MTUS2: variants seen among roughly 807,000 people sequenced by gnomAD.
The protein encoded by MTUS2 is microtubule associated scaffold protein 2, also known as microtubule-associated tumor suppressor candidate 2.
Under a neutral mutation model 114.1 loss-of-function variants are expected in MTUS2, and 40 were observed. That is an observed-to-expected ratio of 0.35 (90% CI 0.27 to 0.46). MTUS2 has a LOEUF of 0.46. Ranked by LOEUF, MTUS2 falls within the 20% of genes least tolerant of loss-of-function variation. The pLI is 1.00. For missense variants in MTUS2, 1,679 were observed against 1,705.4 expected (o/e 0.98, Z 0.27); for synonymous variants, 688 against 672.0 (o/e 1.02, Z -0.37).
intron 9 of MTUS2, among the ~76,000 whole-genome samples, chr13:29,479,453 C>A (rs1356960632): frequency 1.3e-5 from 2 of 152,204 alleles, no homozygotes; most frequent in African/African-American, 4.8e-5. Context: ...TGGCCGCTGT[C>A]ATTGCCTCAT....
chr13:29,188,615 C>T (rs935668936), intron 5 of MTUS2, among the ~76,000 whole-genome samples: 1 of 152,206 alleles, frequency 6.6e-6, no homozygotes, highest in African/African-American at 2.4e-5. Flanking sequence ...AGGTAAGCCC[C>T]AGGCCTAAAA....
chr13:29,442,760 C>T (rs146925011), intron 9 of MTUS2, among the ~76,000 whole-genome samples: 1 of 152,344 alleles, frequency 6.6e-6, no homozygotes, highest in African/African-American at 2.4e-5. Context: ...GGCTTGAGGA[C>T]ACTTCCCTGC....
chr13:29,364,451 T>C (rs1650434194), intron 8 of MTUS2, among the ~76,000 whole-genome samples: 1 of 152,188 alleles, frequency 6.6e-6, no homozygotes, highest in Admixed American at 6.5e-5. Context: ...TTTTTAAAAG[T>C]GCAGTGATTG....
At chr13:29,467,012 T>C (rs1039929565) in intron 9 of MTUS2, among the ~76,000 whole-genome samples, 5 of 151,914 alleles carry the variant, frequency 3.3e-5, no homozygotes, top group Non-Finnish European at 5.9e-5. Context: ...TGCATTTAGA[T>C]TTATTATCTA....
intron 2 of MTUS2, among the ~76,000 whole-genome samples, chr13:28,982,461 T>G (rs1433377830): frequency 6.6e-6 from 1 of 152,174 alleles, no homozygotes; most frequent in Non-Finnish European, 1.5e-5. Context: ...AACAGTATGG[T>G]GGTTCCTCAA....
At chr13:29,006,717 G>A (rs1389817159) in intron 2 of MTUS2, among the ~76,000 whole-genome samples, 1 of 152,184 alleles carries the variant, frequency 6.6e-6, no homozygotes, top group African/African-American at 2.4e-5. Flanking sequence ...TATGACAGGA[G>A]GGCTGTGTCT....
chr13:29,196,136 G>A (rs534451040), intron 5 of MTUS2, among the ~76,000 whole-genome samples: 47 of 149,244 alleles, frequency 3.1e-4, no homozygotes, highest in African/African-American at 1.0e-3. Flanking sequence ...TCGCTCTGTC[G>A]CCGAGGTGGG....
intron 2 of MTUS2, among the ~76,000 whole-genome samples, chr13:28,880,013 G>A (rs1878193145): frequency 6.6e-6 from 1 of 152,044 alleles, no homozygotes; most frequent in African/African-American, 2.4e-5. Flanking sequence ...ATTGAGAGAA[G>A]ACAAGAGATT....
chr13:28,969,565 C>T (rs771901428), intron 2 of MTUS2, among the ~76,000 whole-genome samples: 10 of 151,916 alleles, frequency 6.6e-5, no homozygotes, highest in South Asian at 2.1e-4. Context: ...TGCAGTGGCG[C>T]GATCTTGACT....
chr13:29,428,598 T>TGGGCCCCCCCC, intron 8 of MTUS2: 1 of 155,460 alleles, frequency 6.4e-6, no homozygotes, highest in Non-Finnish European at 1.4e-5. Flanking sequence ...CCTTCCTGGC[T>TGGGCCCCCCCC]CCCGCCCGCC....
intron 2 of MTUS2, among the ~76,000 whole-genome samples, chr13:28,981,655 G>T (rs571658053): frequency 6.6e-6 from 1 of 152,210 alleles, no homozygotes; most frequent in Non-Finnish European, 1.5e-5. Context: ...TGCCTGGTCT[G>T]GCTTCTCTTC....
intron 2 of MTUS2, among the ~76,000 whole-genome samples, chr13:28,948,408 A>G (rs1265231356): frequency 6.6e-6 from 1 of 152,164 alleles, no homozygotes; most frequent in Non-Finnish European, 1.5e-5. Context: ...AAGGAGCTTT[A>G]TAATCCTTTA....
At chr13:29,219,081 C>T (rs1446673894) in intron 5 of MTUS2, among the ~76,000 whole-genome samples, 1 of 148,294 alleles carries the variant, frequency 6.7e-6, no homozygotes. Context: ...GCTAACTCGT[C>T]ATCTAGCATT....
rs564609921 is a variant in MTUS2, at chr13:29,245,947, T to G, written c.2645-35757T>G. On this transcript the variant is annotated intron_variant, in intron 5 of 15. Transcript: ENST00000612955. ...CTCCTGAGCTCGTGATCTGCCCGCC[T>G]AGGCCTCCCAAAGTGCTGGGATTAC... Among the ~76,000 whole-genome samples the G allele has an allele frequency of 2.6e-5, 4 of 152,312 alleles. No individual in the cohort carries two copies. The East Asian group carries it at 7.7e-4, about 29-fold the overall frequency.
chr13:29,049,523 G>T (rs1199852875), intron 4 of MTUS2, among the ~76,000 whole-genome samples: 1 of 152,224 alleles, frequency 6.6e-6, no homozygotes, highest in Non-Finnish European at 1.5e-5. Flanking sequence ...GTCGAGGACT[G>T]TTCTCCTCTC....
At chr13:29,016,621 T>C (rs1273363660) in intron 2 of MTUS2, among the ~76,000 whole-genome samples, 1 of 152,184 alleles carries the variant, frequency 6.6e-6, no homozygotes, top group East Asian at 1.9e-4. Context: ...TTCTTTACTC[T>C]TTCTACCCTA....
At chr13:29,061,335 A>T (rs758297005) in intron 4 of MTUS2, among the ~76,000 whole-genome samples, 3 of 152,152 alleles carry the variant, frequency 2.0e-5, no homozygotes, top group Non-Finnish European at 4.4e-5. Flanking sequence ...ATTCAACAAG[A>T]TGTCTCCATT....
chr13:28,950,563 T>G lies in MTUS2; in HGVS notation c.-242-73894T>G, dbSNP rs139948748. 4.2e-3 allele frequency among the ~76,000 whole-genome samples: 646 copies of G among 152,330 alleles called. 1 individual carries two copies. Among genetic ancestry groups the G allele is most frequent in the Non-Finnish European group, 6.3e-3 (426 of 68,026 alleles). ...TCTGTTTTCTTCTAAGACTTTAGCC[T>G]TACATTTAGGTCTAATTTCGATATT... On this transcript the variant is annotated intron_variant, in intron 2 of 15. Coordinates refer to ENST00000612955, the MANE Select transcript of MTUS2 (RefSeq NM_001033602.4).
chr13:29,352,381 T>A (rs1869367180), intron 7 of MTUS2, among the ~76,000 whole-genome samples: 1 of 152,240 alleles, frequency 6.6e-6, no homozygotes. Context: ...CTGACGCAGC[T>A]GTTTTGATGC....
Sources: allele counts gnomAD v4.1 joint callset (sites outside exome capture counted in the v4.1 genomes callset), GRCh38; gene constraint gnomAD v4.1.1; transcripts MANE v1.5; gene names NCBI Gene and HGNC (gene_info 2026-07-23, HGNC 2026-07-21).